Variants in ASPRV1 observed in about 807,000 individuals in gnomAD.
ASPRV1 encodes retroviral-like aspartic protease 1.
A neutral mutation model predicts 11.0 loss-of-function variants in ASPRV1; 7 were observed. The observed-to-expected ratio is 0.64, with a 90% CI of 0.36 to 1.20. The LOEUF (loss-of-function observed/expected upper bound fraction) is 1.20. Among genes scored for constraint, ASPRV1 ranks in the 50% most tolerant of loss-of-function variants. ASPRV1 has a pLI of 0.02. For missense variants in ASPRV1, 299 were observed against 320.0 expected, an observed-to-expected ratio of 0.93 and a Z score of 0.50; for synonymous variants, 136 against 138.4, an observed-to-expected ratio of 0.98 and a Z score of 0.12.
chr2:69,983,440 G>A, the ASPRV1 span, among the ~76,000 whole-genome samples: 1 of 152,214 alleles, frequency 6.6e-6, no homozygotes, highest in Admixed American at 6.5e-5. Flanking sequence ...TGAAGAGCAG[G>A]TGAGGATTTG....
At chr2:69,937,049 A>G in the ASPRV1 span, 1 of 780,766 alleles carries the variant, frequency 1.3e-6, no homozygotes. Context: ...GCGATGCTGA[A>G]GAGTCAGACG....
chr2:70,063,548 C>A, the ASPRV1 span, among the ~76,000 whole-genome samples: 1 of 152,146 alleles, frequency 6.6e-6, no homozygotes, highest in Non-Finnish European at 1.5e-5. Context: ...GAAGGAAGCT[C>A]CAGGACTACT....
At chr2:70,010,190 G>T in the ASPRV1 span, among the ~76,000 whole-genome samples, 2 of 152,206 alleles carry the variant, frequency 1.3e-5, no homozygotes, top group African/African-American at 4.8e-5. Context: ...CTAGACAGGG[G>T]TCTAGTTCCC....
At chr2:70,028,221 A>C in the ASPRV1 span, among the ~76,000 whole-genome samples, 1 of 152,208 alleles carries the variant, frequency 6.6e-6, no homozygotes, top group African/African-American at 2.4e-5. Flanking sequence ...ACCCCAATAC[A>C]GATGAAGATA....
At chr2:69,957,280 A>T (rs887876046), downstream of ASPRV1, among the ~76,000 whole-genome samples, 1 of 152,094 alleles carries the variant, frequency 6.6e-6, no homozygotes, top group South Asian at 2.1e-4. Flanking sequence ...AAAGGTTCCT[A>T]TATATATAGA....
chr2:69,954,438 C>T, the ASPRV1 span, among the ~76,000 whole-genome samples: 1 of 152,172 alleles, frequency 6.6e-6, no homozygotes, highest in Non-Finnish European at 1.5e-5. Context: ...ATTTGCATCG[C>T]AGAGGTGGTG....
the ASPRV1 span, among the ~76,000 whole-genome samples, chr2:70,007,650 T>C: frequency 1.4e-3 from 218 of 152,174 alleles, 6 homozygotes; most frequent in South Asian, 0.043. Flanking sequence ...CAGAAAAGTA[T>C]ATATCATTTG....
chr2:69,975,032 G>A, the ASPRV1 span, among the ~76,000 whole-genome samples: 9 of 152,182 alleles, frequency 5.9e-5, no homozygotes, highest in African/African-American at 1.2e-4. Flanking sequence ...TGGGTCACAC[G>A]CGACAAACTC....
the ASPRV1 span, among the ~76,000 whole-genome samples, chr2:70,064,362 G>C: frequency 6.6e-6 from 1 of 152,050 alleles, no homozygotes; most frequent in African/African-American, 2.4e-5. Context: ...CTTTGACTAG[G>C]AATTCATGGT....
upstream of ASPRV1, chr2:69,964,629 G>A (rs2104297813): frequency 4.0e-6 from 1 of 249,202 alleles, no homozygotes; most frequent in East Asian, 1.1e-4. Context: ...TTATTGACAA[G>A]TATAGGTATT....
chr2:69,934,019 A>G, the ASPRV1 span, among the ~76,000 whole-genome samples: 1 of 152,220 alleles, frequency 6.6e-6, no homozygotes, highest in Non-Finnish European at 1.5e-5. Context: ...GTCCTCTAGA[A>G]GCTTAAAGTC....
chr2:69,965,781 T>A (rs1278225170), upstream of ASPRV1, among the ~76,000 whole-genome samples: 1 of 152,192 alleles, frequency 6.6e-6, no homozygotes, highest in Non-Finnish European at 1.5e-5. Context: ...GCAGGACAGC[T>A]TGACCTTGAC....
At chr2:70,082,041 C>T in the ASPRV1 span, among the ~76,000 whole-genome samples, 9 of 151,914 alleles carry the variant, frequency 5.9e-5, no homozygotes, top group Admixed American at 3.3e-4. Flanking sequence ...ACAGTGGCAC[C>T]ATCTCAGCTC....
At chr2:70,072,813 A>G in the ASPRV1 span, among the ~76,000 whole-genome samples, 1 of 150,662 alleles carries the variant, frequency 6.6e-6, no homozygotes, top group Non-Finnish European at 1.5e-5. Flanking sequence ...GCACTTCAGG[A>G]GGTCAAGGCA....
the ASPRV1 span, among the ~76,000 whole-genome samples, chr2:70,039,109 T>TGTGGG: frequency 6.7e-6 from 1 of 148,162 alleles, no homozygotes; most frequent in Admixed American, 6.7e-5. Flanking sequence ...AGCCAACATA[T>TGTGGG]GTGGGTGATA....
the ASPRV1 span, among the ~76,000 whole-genome samples, chr2:69,977,336 A>C: frequency 6.6e-6 from 1 of 152,224 alleles, no homozygotes; most frequent in African/African-American, 2.4e-5. Context: ...ACTGACAGCC[A>C]CTGTGGGTGG....
At chr2:70,016,805 T>C in the ASPRV1 span, among the ~76,000 whole-genome samples, 61 of 151,416 alleles carry the variant, frequency 4.0e-4, no homozygotes, top group African/African-American at 1.5e-3. Flanking sequence ...GATCACACCA[T>C]TGTCCTCCAG....
upstream of ASPRV1, among the ~76,000 whole-genome samples, chr2:69,966,396 C>A (rs1319173597): frequency 1.3e-5 from 2 of 152,230 alleles, no homozygotes; most frequent in Admixed American, 6.5e-5. Context: ...CCCATCCTTG[C>A]CACGGAGGGC....
chr2:69,989,252 G>A, the ASPRV1 span, among the ~76,000 whole-genome samples: 1 of 152,238 alleles, frequency 6.6e-6, no homozygotes, highest in African/African-American at 2.4e-5. Flanking sequence ...GTATGGAAAC[G>A]GCACCTGATT....
Sources: allele counts gnomAD v4.1 joint callset (sites outside exome capture counted in the v4.1 genomes callset), GRCh38; gene constraint gnomAD v4.1.1; transcripts MANE v1.5; gene names NCBI Gene and HGNC (gene_info 2026-07-23, HGNC 2026-07-21).